CPNE8: variants seen among roughly 807,000 people sequenced by gnomAD.
The protein encoded by CPNE8 is copine-8.
In CPNE8, 45 loss-of-function variants were observed where a neutral mutation model predicts 81.5. The ratio of observed to expected loss-of-function variants is 0.55; its 90% CI spans 0.44 to 0.71. The LOEUF is 0.71. CPNE8 is among the 30% of genes least tolerant of loss of function. CPNE8 has a pLI of 0.00. For missense variants in CPNE8, 594 were observed against 672.1 expected, an observed-to-expected ratio of 0.88 and a Z score of 1.28; for synonymous variants, 252 against 226.3, an observed-to-expected ratio of 1.11 and a Z score of -1.02.
intron 15 of CPNE8, among the ~76,000 whole-genome samples, chr12:38,692,157 T>G (rs1321767166): frequency 6.6e-6 from 1 of 151,970 alleles, no homozygotes; most frequent in Non-Finnish European, 1.5e-5. Flanking sequence ...CCAGGTGTTA[T>G]GCATGCCTGT....
chr12:38,706,926 C>T (rs1232118749), intron 13 of CPNE8, among the ~76,000 whole-genome samples: 2 of 152,174 alleles, frequency 1.3e-5, no homozygotes, highest in African/African-American at 4.8e-5. Context: ...GTCATAGATG[C>T]AAACGTCCTC....
chr12:38,796,782 C>A (rs1215146960), intron 6 of CPNE8, among the ~76,000 whole-genome samples: 1 of 152,064 alleles, frequency 6.6e-6, no homozygotes, highest in African/African-American at 2.4e-5. Flanking sequence ...CAGGGAGTTC[C>A]CTTTCCTAGT....
At chr12:38,725,041 G>C in intron 11 of CPNE8, 142 bp from the exon 12 acceptor site, 1 of 768,280 alleles carries the variant, frequency 1.3e-6, no homozygotes, top group Non-Finnish European at 2.1e-6. Context: ...GTATGACTTT[G>C]GACAGTCATT....
intron 6 of CPNE8, among the ~76,000 whole-genome samples, chr12:38,827,272 T>C (rs1005366802): frequency 2.0e-5 from 3 of 151,730 alleles, no homozygotes; most frequent in Admixed American, 1.3e-4. Context: ...CATAATGAGA[T>C]ATCATCTTAG....
At chr12:38,735,751 A>C (rs1684414) in intron 10 of CPNE8, among the ~76,000 whole-genome samples, 1 of 151,602 alleles carries the variant, frequency 6.6e-6, no homozygotes, top group African/African-American at 2.4e-5. Flanking sequence ...ATTATGAGCC[A>C]ATCTCTGTCT....
upstream of CPNE8, chr12:38,906,198 G>C (rs1242125041): frequency 8.1e-6 from 8 of 985,598 alleles, no homozygotes; most frequent in East Asian, 2.3e-4. Context: ...CCCTCGGGCA[G>C]ATGAGTCTGG....
At chr12:38,886,268 T>C (rs1301042685) in intron 1 of CPNE8, among the ~76,000 whole-genome samples, 1 of 152,162 alleles carries the variant, frequency 6.6e-6, no homozygotes, top group Non-Finnish European at 1.5e-5. Context: ...ACTAAAACTC[T>C]CTAGGCTTCA....
intron 1 of CPNE8, among the ~76,000 whole-genome samples, chr12:38,885,642 T>C (rs535410624): frequency 1.6e-4 from 25 of 152,326 alleles, no homozygotes; most frequent in African/African-American, 6.0e-4. Flanking sequence ...CAATCTTTTT[T>C]TTTTAACTGC....
intron 13 of CPNE8, among the ~76,000 whole-genome samples, chr12:38,713,749 T>A (rs982206652): frequency 6.6e-6 from 1 of 152,146 alleles, no homozygotes; most frequent in Admixed American, 6.5e-5. Context: ...AAACAAATCA[T>A]ACAAATAAAC....
chr12:38,766,221 G>A (rs1168187275), intron 8 of CPNE8, among the ~76,000 whole-genome samples: 1 of 152,124 alleles, frequency 6.6e-6, no homozygotes, highest in East Asian at 1.9e-4. Flanking sequence ...AGCATTAGAT[G>A]TGTGATAAAG....
intron 13 of CPNE8, among the ~76,000 whole-genome samples, chr12:38,719,074 A>C (rs1940483309): frequency 6.6e-6 from 1 of 152,164 alleles, no homozygotes; most frequent in Admixed American, 6.5e-5. Flanking sequence ...AATGCAAACA[A>C]TGATTTCAGA....
chr12:38,759,297 T>C (rs1212779575), intron 10 of CPNE8, among the ~76,000 whole-genome samples: 1 of 152,150 alleles, frequency 6.6e-6, no homozygotes, highest in Non-Finnish European at 1.5e-5. Flanking sequence ...CTATTCACAA[T>C]TAAAATATAA....
chr12:38,655,973 G>A (rs1453121647), intron 19 of CPNE8, among the ~76,000 whole-genome samples: 3 of 145,726 alleles, frequency 2.1e-5, no homozygotes, highest in African/African-American at 2.6e-5. Flanking sequence ...CTAAGGATGT[G>A]AAAAAAAAAA....
intron 5 of CPNE8, among the ~76,000 whole-genome samples, chr12:38,838,848 G>A (rs1021335515): frequency 9.2e-5 from 14 of 151,996 alleles, no homozygotes; most frequent in Admixed American, 5.9e-4. Flanking sequence ...ACCACCATAC[G>A]TATCCATGCT....
intron 1 of CPNE8, among the ~76,000 whole-genome samples, chr12:38,895,973 T>C (rs74754922): frequency 0.053 from 8,080 of 152,152 alleles, 689 homozygotes; most frequent in African/African-American, 0.18. Context: ...TCTTCACTTG[T>C]AAAACAGGAC....
chr12:38,671,694 C>T (rs910282736), intron 18 of CPNE8, among the ~76,000 whole-genome samples: 2 of 152,130 alleles, frequency 1.3e-5, no homozygotes, highest in African/African-American at 4.8e-5. Context: ...ACCCATCTCC[C>T]TGGCCCCAAT....
In CPNE8 at chr12:38,760,860, C is replaced by T. The variant is rs2136849140; in HGVS notation, c.709G>A (p.Asp237Asn). Reference protein sequence around the residue: ...RTIKVEVYDWDRDGSHDFIGE... With the variant: ...RTIKVEVYDWNRDGSHDFIGE... ...GAACTGTCTTACCTTCCATCTCGGT[C>T]CCAGTCATACACCTCTACTTTGATT... Residue 237 changes from aspartate (D) to asparagine (N), a missense_variant, in exon 10 of 20, where the codon GAC becomes AAC. Physicochemically the swap from Asp to Asn is conservative, Grantham distance 23 (BLOSUM62 1). Transcript: ENST00000331366. The T allele has an allele frequency of 3.8e-6, 6 of 1,588,076 alleles. No individual in the cohort carries two copies. In the South Asian group the frequency reaches 5.8e-5, roughly 15 times the overall value.
chr12:38,667,386 T>C (rs1228474355), intron 19 of CPNE8, among the ~76,000 whole-genome samples: 1 of 152,196 alleles, frequency 6.6e-6, no homozygotes, highest in Admixed American at 6.5e-5. Flanking sequence ...AAAAACTGTT[T>C]AGTGACTGGT....
chr12:38,740,281 G>C (rs1941063489), intron 10 of CPNE8, among the ~76,000 whole-genome samples: 1 of 152,172 alleles, frequency 6.6e-6, no homozygotes, highest in Admixed American at 6.5e-5. Context: ...TTGCTTATCA[G>C]CTTAAGGAGA....
Sources: allele counts gnomAD v4.1 joint callset (sites outside exome capture counted in the v4.1 genomes callset), GRCh38; gene constraint gnomAD v4.1.1; transcripts MANE v1.5; gene names NCBI Gene and HGNC (gene_info 2026-07-23, HGNC 2026-07-21).